Variants in COL25A1 observed in about 807,000 individuals in gnomAD.
COL25A1 encodes collagen alpha-1(XXV) chain.
In COL25A1, 103 loss-of-function variants were observed where a neutral mutation model predicts 128.4. The observed-to-expected ratio is 0.80, with a 90% CI of 0.68 to 0.94. COL25A1 has a LOEUF of 0.94. Among genes scored for constraint, COL25A1 ranks in the 40% least tolerant of loss-of-function variants. The probability of loss-of-function intolerance (pLI) is 0.00; values close to 1 mark genes in which losing one functional copy is unlikely to be tolerated. For synonymous variants in COL25A1, 279 were observed against 277.2 expected, an observed-to-expected ratio of 1.01 and a Z score of -0.06; for missense variants, 745 against 840.0, an observed-to-expected ratio of 0.89 and a Z score of 1.40.
At chr4:108,824,728 T>C (rs977367583) in intron 34 of COL25A1, among the ~76,000 whole-genome samples, 1 of 152,210 alleles carries the variant, frequency 6.6e-6, no homozygotes, top group South Asian at 2.1e-4. Context: ...TGATTGTGTC[T>C]AGAGGCATTT....
At position 108,820,927 on chromosome 4, in the gene COL25A1, G is replaced by C. The variant is rs567306379; in HGVS notation, c.1846-1598C>G. ...GAGGAGTAGGAAGGAATGCACCTCA[G>C]CTGTTTTATATTAACATCAGTATCT... On this transcript the variant is annotated intron_variant, in intron 35 of 37. Transcript: ENST00000399132. Among the ~76,000 whole-genome samples the C allele has an allele frequency of 2.0e-5, 3 of 152,212 alleles. No homozygotes were observed. The East Asian group carries it at 5.8e-4, about 29-fold the overall frequency.
At chr4:108,983,893 C>CA (rs1753330625) in intron 6 of COL25A1, among the ~76,000 whole-genome samples, 1 of 152,086 alleles carries the variant, frequency 6.6e-6, no homozygotes, top group South Asian at 2.1e-4. Context: ...TTGCAAAGAG[C>CA]AAAAGAACAA....
chr4:109,156,210 A>C lies in COL25A1; in HGVS notation c.368-106031T>G, dbSNP rs140116818. On this transcript the variant is annotated intron_variant, in intron 3 of 37. Transcript: ENST00000399132. ...TGACCCAGTGTGTCAATGTCAACTG[A>C]AACAAAAAACTAAAGGAACTTTCTC... 3.3e-3 allele frequency among the ~76,000 whole-genome samples: 503 copies of C among 152,322 alleles called. 1 individual carries two copies. Among genetic ancestry groups the C allele is most frequent in the African/African-American group, 0.011 (462 of 41,574 alleles).
chr4:109,039,164 T>C (rs2125925120), intron 5 of COL25A1, among the ~76,000 whole-genome samples: 1 of 152,252 alleles, frequency 6.6e-6, no homozygotes, highest in East Asian at 1.9e-4. Context: ...AACAATACCC[T>C]AATCATCTCT....
At chr4:109,160,596 C>T (rs1772470359) in intron 3 of COL25A1, among the ~76,000 whole-genome samples, 1 of 152,130 alleles carries the variant, frequency 6.6e-6, no homozygotes, top group Admixed American at 6.5e-5. Context: ...GCCTTGGGAA[C>T]GGGCTCTGTC....
intron 3 of COL25A1, among the ~76,000 whole-genome samples, chr4:109,146,779 T>C (rs1259489620): frequency 6.6e-6 from 1 of 152,192 alleles, no homozygotes; most frequent in African/African-American, 2.4e-5. Flanking sequence ...GAATATGAAG[T>C]TTCCTTTCCT....
chr4:109,250,806 G>A (rs1780594362), intron 3 of COL25A1, among the ~76,000 whole-genome samples: 1 of 152,128 alleles, frequency 6.6e-6, no homozygotes, highest in Non-Finnish European at 1.5e-5. Flanking sequence ...TGGGCACTCT[G>A]TAGATCAGTC....
intron 3 of COL25A1, among the ~76,000 whole-genome samples, chr4:109,210,029 T>C (rs1777369899): frequency 6.6e-6 from 1 of 151,052 alleles, no homozygotes; most frequent in East Asian, 2.0e-4. Flanking sequence ...CCAGCCTGGG[T>C]GACAGAGTGA....
chr4:109,119,703 TA>T (rs1157223797), intron 3 of COL25A1, among the ~76,000 whole-genome samples: 1 of 151,968 alleles, frequency 6.6e-6, no homozygotes, highest in Non-Finnish European at 1.5e-5. Flanking sequence ...ACCAAACATT[TA>T]AAAAGAGAAA....
At chr4:108,996,102 A>G (rs1366683360) in intron 6 of COL25A1, among the ~76,000 whole-genome samples, 1 of 152,158 alleles carries the variant, frequency 6.6e-6, no homozygotes, top group East Asian at 1.9e-4. Flanking sequence ...TGACAAGATC[A>G]AATTCACACA....
rs1731017916 is a variant in COL25A1, at chr4:108,814,012, A to G, written c.1963-83T>C. On this transcript the variant is annotated intron_variant, in intron 37 of 37. Transcript: ENST00000399132. ...TTTTAAATCAATATTTATTTTCAGA[A>G]AACTGGTAGAACCTTGAATAGAGTC... The G allele has an allele frequency of 4.6e-6, 5 of 1,097,808 alleles. No individual in the cohort carries two copies. The Admixed American group carries it at 9.5e-5, about 21-fold the overall frequency. 68.0% of individuals were successfully genotyped at this position (1,097,808 alleles called of 1,614,324 possible). A position where few individuals can be genotyped will look rare whatever the true frequency, so the allele number is the denominator to read the frequency against.
chr4:108,905,497 C>A (rs1743370443), intron 13 of COL25A1, among the ~76,000 whole-genome samples: 1 of 149,870 alleles, frequency 6.7e-6, no homozygotes, highest in Non-Finnish European at 1.5e-5. Flanking sequence ...CACATGTACC[C>A]TAAAACTTAA....
At chr4:108,979,448 G>A (rs1752748830) in intron 6 of COL25A1, among the ~76,000 whole-genome samples, 1 of 152,114 alleles carries the variant, frequency 6.6e-6, no homozygotes, top group Non-Finnish European at 1.5e-5. Flanking sequence ...CCCAATCATG[G>A]TTTTTTATTT....
chr4:108,902,174 A>C (rs1272235373), intron 13 of COL25A1, among the ~76,000 whole-genome samples: 1 of 152,070 alleles, frequency 6.6e-6, no homozygotes. Context: ...CTGGAGGGCA[A>C]GAATTCTGTC....
rs956669436 is a variant in COL25A1 at position 109,016,292 on chromosome 4, T to G, written c.421-5917A>C. The stretch of plus-strand genomic sequence containing the variant: ...GCAGCCCCCCGCTGCCTCAGCCCCC[T>G]CCAGACTTTAAGTGCCAATGAGCAA... On this transcript the variant is annotated intron_variant, in intron 5 of 37. Transcript: ENST00000399132. Among the ~76,000 whole-genome samples, 189 of 152,196 alleles carry G rather than the reference T, an allele frequency of 1.2e-3. 2 individuals carry two copies. The highest frequency in any genetic ancestry group is 3.2e-4 in the Non-Finnish European group (22 of 68,016).
chr4:108,838,056 A>T, intron 31 of COL25A1: 1 of 1,381,990 alleles, frequency 7.2e-7, no homozygotes, highest in African/African-American at 1.4e-5. Context: ...TAGAAAGAAA[A>T]ATCTGAGATT....
chr4:108,860,155 A>G (rs1737010804), intron 23 of COL25A1, among the ~76,000 whole-genome samples: 1 of 152,134 alleles, frequency 6.6e-6, no homozygotes, highest in Non-Finnish European at 1.5e-5. Context: ...TCTGTTGCCC[A>G]GGCTGGAATG....
chr4:108,889,131 G>T, intron 18 of COL25A1, 90 bp downstream of exon 18: 2 of 1,166,354 alleles, frequency 1.7e-6, no homozygotes, highest in South Asian at 1.4e-5. Context: ...GCATCATTTT[G>T]TAATAATTGT....
rs540656722 is a variant in COL25A1 at position 109,033,241 on chromosome 4, C to A, written c.420+14927G>T. On this transcript the variant is annotated intron_variant, in intron 5 of 37. Coordinates refer to ENST00000399132, the MANE Select transcript of COL25A1 (RefSeq NM_198721.4). Reference sequence around the variant, plus strand: ...AGTGTATAGGTGTATGAAGCATGAACCAGGACATGAGAGTTATGTAGCACT... The same window carrying A: ...AGTGTATAGGTGTATGAAGCATGAAACAGGACATGAGAGTTATGTAGCACT... Among the ~76,000 whole-genome samples the A allele has an allele frequency of 2.6e-5, 4 of 152,328 alleles. No homozygotes were observed. The South Asian group carries it at 6.2e-4, about 24-fold the overall frequency.
Sources: gnomAD v4.1 joint callset for allele counts (sites outside exome capture counted in the v4.1 genomes callset) on GRCh38, gnomAD v4.1.1 for gene constraint, MANE v1.5 for transcripts, NCBI Gene and HGNC (gene_info 2026-07-23, HGNC 2026-07-21) for gene names.